Variants in VPS13B observed in about 807,000 individuals in gnomAD.
VPS13B encodes vacuolar protein sorting 13 homolog B, also known as intermembrane lipid transfer protein VPS13B.
VPS13B carries 285 observed loss-of-function variants against 426.4 expected under a neutral mutation model. That is an observed-to-expected ratio of 0.67 (90% CI 0.61 to 0.74). The LOEUF (loss-of-function observed/expected upper bound fraction) is 0.74. Among genes scored for constraint, VPS13B ranks in the 30% least tolerant of loss-of-function variants. VPS13B has a pLI of 0.00. For synonymous variants in VPS13B, 1,676 were observed against 1,676.4 expected (o/e 1.00, Z 0.01); for missense variants, 4,537 against 4,782.6 (o/e 0.95, Z 1.51).
intron 2 of VPS13B, among the ~76,000 whole-genome samples, chr8:99,023,581 A>G (rs549128328): frequency 1.3e-5 from 2 of 151,504 alleles, no homozygotes; most frequent in South Asian, 2.1e-4. Flanking sequence ...CCTGGGTTCA[A>G]GCGATTCTTC....
At chr8:99,703,398 T>A (rs964234021) in intron 36 of VPS13B, among the ~76,000 whole-genome samples, 1 of 152,156 alleles carries the variant, frequency 6.6e-6, no homozygotes, top group Admixed American at 6.5e-5. Context: ...AGAATACTTA[T>A]GTTCTCTCAT....
chr8:99,784,796 TA>T (rs1162619750), intron 43 of VPS13B, among the ~76,000 whole-genome samples: 1 of 152,184 alleles, frequency 6.6e-6, no homozygotes, highest in Non-Finnish European at 1.5e-5. Context: ...TTCTCATATG[TA>T]AAATGGGATA....
intron 19 of VPS13B, among the ~76,000 whole-genome samples, chr8:99,344,950 T>TA (rs1811457248): frequency 6.6e-6 from 1 of 152,172 alleles, no homozygotes; most frequent in African/African-American, 2.4e-5. Flanking sequence ...ATTTTAAAGA[T>TA]ATTCTGCATA....
intron 6 of VPS13B, among the ~76,000 whole-genome samples, chr8:99,113,131 C>T (rs578216367): frequency 1.0e-3 from 148 of 147,372 alleles, no homozygotes; most frequent in South Asian, 4.7e-3. Flanking sequence ...CTTCGAGGCT[C>T]CCTGTCACCC....
chr8:99,378,770 C>G (rs1187801907), intron 19 of VPS13B, among the ~76,000 whole-genome samples: 1 of 152,110 alleles, frequency 6.6e-6, no homozygotes, highest in South Asian at 2.1e-4. Flanking sequence ...ATTTTTGACT[C>G]TTATTAACAG....
intron 35 of VPS13B, among the ~76,000 whole-genome samples, chr8:99,663,386 A>G (rs1830319856): frequency 6.6e-6 from 1 of 152,194 alleles, no homozygotes; most frequent in Admixed American, 6.5e-5. Context: ...ATGGTTTTAA[A>G]TATATGAAGG....
At chr8:99,752,169 T>C (rs373003097) in intron 39 of VPS13B, among the ~76,000 whole-genome samples, 11 of 151,564 alleles carry the variant, frequency 7.3e-5, no homozygotes, top group East Asian at 5.8e-4. Flanking sequence ...ATAGCAAGAC[T>C]CCATCTCTAA....
intron 19 of VPS13B, among the ~76,000 whole-genome samples, chr8:99,381,120 C>A (rs1475657972): frequency 2.6e-5 from 4 of 152,092 alleles, no homozygotes; most frequent in African/African-American, 9.7e-5. Context: ...GTGTTCTCAT[C>A]ATTTAGCTGC....
In VPS13B at chr8:99,163,696, C is replaced by T. The variant is rs184205593; in HGVS notation, c.2209-6343C>T. 4.5e-3 allele frequency among the ~76,000 whole-genome samples: 685 copies of T among 152,292 alleles called. 3 individuals carry two copies. Among genetic ancestry groups the T allele is most frequent in the African/African-American group, 0.013 (540 of 41,560 alleles). On this transcript the variant is annotated intron_variant, in intron 15 of 61. Coordinates refer to ENST00000357162, the MANE Select transcript of VPS13B (RefSeq NM_152564.5). ...CAGGGCTGGCTGGCTGCTCTGAGTG[C>T]GGAGCCCACCAAGCCCATGTCCACA...
At chr8:99,843,520 A>G (rs958648151) in intron 54 of VPS13B, among the ~76,000 whole-genome samples, 7 of 152,314 alleles carry the variant, frequency 4.6e-5, no homozygotes, top group East Asian at 1.9e-4. Context: ...CTGGAGACCT[A>G]TGGAATTACC....
chr8:99,318,134 G>T (rs958016243), intron 19 of VPS13B, among the ~76,000 whole-genome samples: 4 of 152,078 alleles, frequency 2.6e-5, no homozygotes, highest in Admixed American at 2.6e-4. Context: ...CATTCTTTTT[G>T]AATTTTCCTA....
chr8:99,195,047 A>G (rs1459667627), intron 17 of VPS13B, among the ~76,000 whole-genome samples: 3 of 152,068 alleles, frequency 2.0e-5, no homozygotes, highest in East Asian at 1.9e-4. Flanking sequence ...GAGTTTCACC[A>G]TGTTGACTAG....
rs775949318 is a variant in VPS13B, at chr8:99,868,482, C to G, written c.11392+17C>G. On this transcript the variant is annotated intron_variant, in intron 59 of 61. Transcript: ENST00000357162. ...CTGGCTATGGTAAGTCGGTGGAAAA[C>G]CCATCAGGCCAACCCAGACGTTACT... 7 of 1,598,666 alleles carry G rather than the reference C, an allele frequency of 4.4e-6. No homozygotes were observed. In the Admixed American group the frequency reaches 1.2e-4, roughly 28 times the overall value.
intron 3 of VPS13B, among the ~76,000 whole-genome samples, chr8:99,064,473 A>G (rs1057297172): frequency 4.6e-5 from 7 of 152,344 alleles, no homozygotes; most frequent in East Asian, 1.9e-4. Flanking sequence ...ACAAGCTTCA[A>G]TAGCTGATTC....
intron 31 of VPS13B, among the ~76,000 whole-genome samples, chr8:99,558,937 G>A (rs1477407772): frequency 6.6e-6 from 1 of 152,172 alleles, no homozygotes; most frequent in African/African-American, 2.4e-5. Flanking sequence ...TAATGGGATG[G>A]CTGGATCAAA....
chr8:99,385,025 T>A (rs1814039292), intron 20 of VPS13B, among the ~76,000 whole-genome samples: 1 of 152,210 alleles, frequency 6.6e-6, no homozygotes. Context: ...TTAGGTTTTT[T>A]CAACAAACAT....
At chr8:99,164,788 C>G (rs975582830) in intron 15 of VPS13B, among the ~76,000 whole-genome samples, 1 of 152,044 alleles carries the variant, frequency 6.6e-6, no homozygotes, top group Non-Finnish European at 1.5e-5. Flanking sequence ...GACTCCTTTT[C>G]TTTGTCTCTG....
At chr8:99,564,182 T>A (rs1269451109) in intron 31 of VPS13B, among the ~76,000 whole-genome samples, 1 of 151,400 alleles carries the variant, frequency 6.6e-6, no homozygotes. Context: ...AAAACCTTAA[T>A]TTTTTTTTAT....
At chr8:99,239,362 A>C (rs1816800042) in intron 17 of VPS13B, among the ~76,000 whole-genome samples, 1 of 152,164 alleles carries the variant, frequency 6.6e-6, no homozygotes, top group African/African-American at 2.4e-5. Flanking sequence ...CAGTCAAATT[A>C]CTTTATTCTT....
Sources: gnomAD v4.1 joint callset for allele counts (sites outside exome capture counted in the v4.1 genomes callset) on GRCh38, gnomAD v4.1.1 for gene constraint, MANE v1.5 for transcripts, NCBI Gene and HGNC (gene_info 2026-07-23, HGNC 2026-07-21) for gene names.